The following PCDH15 variants were observed in gnomAD, a reference collection of about 807,000 sequenced individuals.
PCDH15 encodes the protein protocadherin related 15.
In PCDH15, 129 loss-of-function variants were observed where a neutral mutation model predicts 178.5. That is an observed-to-expected ratio of 0.72 (90% CI 0.63 to 0.84). The LOEUF is 0.84. PCDH15 is among the 40% of genes least tolerant of loss of function. PCDH15 has a pLI of 0.00. For missense variants in PCDH15, 2,230 were observed against 2,099.9 expected, an observed-to-expected ratio of 1.06 and a Z score of -1.21; for synonymous variants, 800 against 732.0, an observed-to-expected ratio of 1.09 and a Z score of -1.50.
intron 37 of PCDH15, chr10:53,808,809 G>T: frequency 6.2e-7 from 1 of 1,610,804 alleles, no homozygotes; most frequent in Non-Finnish European, 8.5e-7. Context: ...ACTGACTTTC[G>T]CTACTACTGC....
intron 16 of PCDH15, among the ~76,000 whole-genome samples, chr10:54,083,319 G>A (rs903467438): frequency 1.2e-4 from 18 of 152,106 alleles, no homozygotes; most frequent in African/African-American, 2.2e-4. Context: ...TTAAATACAC[G>A]TACATATATG....
intron 28 of PCDH15, among the ~76,000 whole-genome samples, chr10:53,843,155 C>T (rs1320458743): frequency 6.6e-6 from 1 of 152,094 alleles, no homozygotes; most frequent in African/African-American, 2.4e-5. Flanking sequence ...AATGTCTTCA[C>T]TTTGAGCATT....
rs568587053 is a variant in PCDH15 at position 54,819,484 on chromosome 10, CCTT to C, written c.-29+77963_-29+77965del. 2.0e-3 allele frequency among the ~76,000 whole-genome samples: 308 copies of C among 151,954 alleles called. 4 individuals are homozygous for C. Among genetic ancestry groups the C allele is most frequent in the African/African-American group, 7.0e-3 (291 of 41,532 alleles). Reference sequence around the variant, plus strand: ...TTCTAATTTTCTCTAGTTTTAAAAACCTTCTAGATATTACTAATGTTTATGATT... The same window carrying C: ...TTCTAATTTTCTCTAGTTTTAAAAACCTAGATATTACTAATGTTTATGATT... On this transcript the variant is annotated intron_variant, in intron 3 of 5. Coordinates refer to the PCDH15 transcript ENST00000458638.
intron 1 of PCDH15, among the ~76,000 whole-genome samples, chr10:55,310,141 A>G (rs145219088): frequency 3.5e-4 from 53 of 152,238 alleles, no homozygotes; most frequent in Non-Finnish European, 7.8e-4. Flanking sequence ...TTAATTCAAA[A>G]CACTTATTTG....
At chr10:54,371,238 A>G (rs2134775324) in intron 4 of PCDH15, among the ~76,000 whole-genome samples, 1 of 152,006 alleles carries the variant, frequency 6.6e-6, no homozygotes, top group African/African-American at 2.4e-5. Flanking sequence ...AATGTAATAG[A>G]CAGCTACAAA....
intron 2 of PCDH15, among the ~76,000 whole-genome samples, chr10:55,417,357 T>A (rs536872819): frequency 6.6e-6 from 1 of 151,818 alleles, no homozygotes; most frequent in Admixed American, 6.6e-5. Flanking sequence ...TCTTTGGGAC[T>A]GAAGGTAGGA....
At chr10:54,242,402 T>A (rs12261807) in intron 8 of PCDH15, among the ~76,000 whole-genome samples, 8,599 of 151,532 alleles carry the variant, frequency 0.057, 624 homozygotes, top group African/African-American at 0.17. Context: ...TATATCAGGT[T>A]AACAGAAGTC....
At chr10:55,317,016 G>A (rs1296697196) in intron 1 of PCDH15, among the ~76,000 whole-genome samples, 5 of 152,032 alleles carry the variant, frequency 3.3e-5, no homozygotes, top group Admixed American at 2.6e-4. Context: ...CTTAAAGCTG[G>A]CTTAGCTTTT....
intron 1 of PCDH15, among the ~76,000 whole-genome samples, chr10:54,752,517 C>CA (rs1183153628): frequency 1.4e-4 from 12 of 85,628 alleles, no homozygotes; most frequent in Non-Finnish European, 2.9e-4. Context: ...AAAAAACAAA[C>CA]AAACAAACAA....
intron 1 of PCDH15, among the ~76,000 whole-genome samples, chr10:54,779,434 G>GAAAAGATCCTTTTA (rs1950061636): frequency 1.6e-5 from 1 of 61,418 alleles, no homozygotes; most frequent in African/African-American, 6.3e-5. Context: ...ACACACATAT[G>GAAAAGATCCTTTTA]TGTATATATA....
chr10:54,518,882 C>T (rs1480127710), intron 3 of PCDH15, among the ~76,000 whole-genome samples: 1 of 152,174 alleles, frequency 6.6e-6, no homozygotes, highest in Admixed American at 6.5e-5. Context: ...TGGGCTTCAT[C>T]CCTGGGATGC....
rs532258607 is a variant in PCDH15, at chr10:54,835,967, G to A, written c.-29+61483C>T. ...CTCAATCTCTTTAAAAGATACCAGC[G>A]ATAGCACAAAGACAAGGTGGAAAAC... On this transcript the variant is annotated intron_variant, in intron 3 of 5. Coordinates refer to the PCDH15 transcript ENST00000458638. 2.4e-4 allele frequency among the ~76,000 whole-genome samples: 37 copies of A among 152,092 alleles called. No homozygotes were observed. In the South Asian group the frequency reaches 6.0e-3, roughly 25 times the overall value.
At chr10:54,375,842 A>G (rs1377581451) in intron 4 of PCDH15, among the ~76,000 whole-genome samples, 6 of 142,022 alleles carry the variant, frequency 4.2e-5, no homozygotes, top group Non-Finnish European at 9.1e-5. Flanking sequence ...TGGAATATAT[A>G]TATATAATAT....
intron 14 of PCDH15, among the ~76,000 whole-genome samples, chr10:54,151,345 A>T (rs142748787): frequency 6.6e-6 from 1 of 152,260 alleles, no homozygotes; most frequent in Non-Finnish European, 1.5e-5. Flanking sequence ...GCTTGAGACG[A>T]GCCTGGGCAA....
At chr10:54,553,820 AT>A (rs1258488786) in intron 2 of PCDH15, among the ~76,000 whole-genome samples, 1 of 152,144 alleles carries the variant, frequency 6.6e-6, no homozygotes, top group Non-Finnish European at 1.5e-5. Flanking sequence ...TAAAAAAAAA[AT>A]CATTAACTTG....
chr10:55,510,682 A>C (rs946327005), intron 2 of PCDH15, among the ~76,000 whole-genome samples: 5 of 151,870 alleles, frequency 3.3e-5, no homozygotes, highest in African/African-American at 1.2e-4. Flanking sequence ...AAAATAACAG[A>C]GAATAGTGGA....
At chr10:55,297,090 T>C (rs1482194649) in intron 1 of PCDH15, among the ~76,000 whole-genome samples, 1 of 152,040 alleles carries the variant, frequency 6.6e-6, no homozygotes, top group African/African-American at 2.4e-5. Context: ...AGAAAAGCCT[T>C]ATGGTGTTTA....
At chr10:54,299,903 G>A (rs1425512087) in intron 8 of PCDH15, among the ~76,000 whole-genome samples, 1 of 152,148 alleles carries the variant, frequency 6.6e-6, no homozygotes. Context: ...TTCATTAATA[G>A]TAAAGAAAAA....
At chr10:54,204,814 G>A (rs10763082) in intron 10 of PCDH15, among the ~76,000 whole-genome samples, 136,710 of 152,046 alleles carry the variant, frequency 0.9, 61,622 homozygotes, top group East Asian at 0.98. Flanking sequence ...CATTAAAGAT[G>A]GACCCCAAAA....
Sources: allele counts gnomAD v4.1 joint callset (sites outside exome capture counted in the v4.1 genomes callset), GRCh38; gene constraint gnomAD v4.1.1; transcripts MANE v1.5; gene names NCBI Gene and HGNC (gene_info 2026-07-23, HGNC 2026-07-21).